EGFR: variants seen among roughly 807,000 people sequenced by gnomAD.
EGFR encodes avian erythroblastic leukemia viral (v-erb-b) oncogene homolog.
EGFR carries 58 observed loss-of-function variants against 143.0 expected under a neutral mutation model. That is an observed-to-expected ratio of 0.41 (90% CI 0.33 to 0.50). The LOEUF (loss-of-function observed/expected upper bound fraction) is 0.50, where lower values mean the gene tolerates loss of function less well. Among genes scored for constraint, EGFR ranks in the 20% least tolerant of loss-of-function variants. The pLI is 0.39. For missense variants in EGFR, 1,307 were observed against 1,579.0 expected (o/e 0.83, Z 2.92); for synonymous variants, 613 against 594.4 (o/e 1.03, Z -0.45).
intron 1 of EGFR, among the ~76,000 whole-genome samples, chr7:55,020,325 C>T (rs367676530): frequency 6.6e-6 from 1 of 152,208 alleles, no homozygotes; most frequent in Non-Finnish European, 1.5e-5. Context: ...TGCAGCCCTT[C>T]GGTCGCGCCT....
At chr7:55,072,342 T>C (rs1399310089) in intron 1 of EGFR, among the ~76,000 whole-genome samples, 2 of 152,202 alleles carry the variant, frequency 1.3e-5, no homozygotes, top group South Asian at 4.1e-4. Flanking sequence ...AGCACGTTCA[T>C]CAGAGTCAGA....
At position 55,052,738 on chromosome 7, in the gene EGFR, G is replaced by A. The variant is rs116593706; in HGVS notation, c.88+33373G>A. 8.7e-3 allele frequency among the ~76,000 whole-genome samples: 1,320 copies of A among 152,322 alleles called. 24 individuals are homozygous for A. Among genetic ancestry groups the A allele is most frequent in the African/African-American group, 0.031 (1,276 of 41,564 alleles). ...GTGGTTGACACAGTCAAGGAGCAAG[G>A]GCCCCGTAGGAGAGGGGAGTCAAGG... On this transcript the variant is annotated intron_variant, in intron 1 of 27. Coordinates refer to ENST00000275493, the MANE Select transcript of EGFR (RefSeq NM_005228.5).
chr7:55,178,767 TATAAA>T (rs1786717728), intron 19 of EGFR, among the ~76,000 whole-genome samples: 1 of 152,192 alleles, frequency 6.6e-6, no homozygotes, highest in Non-Finnish European at 1.5e-5. Context: ...ATCTTTAGAA[TATAAA>T]AGGAAAATAA....
intron 14 of EGFR, among the ~76,000 whole-genome samples, chr7:55,164,139 G>A (rs999204805): frequency 1.3e-5 from 2 of 152,108 alleles, no homozygotes; most frequent in Non-Finnish European, 2.9e-5. Context: ...TTGCTTTATC[G>A]CTTTCATCAA....
intron 15 of EGFR, chr7:55,168,398 G>A: frequency 2.7e-6 from 2 of 727,606 alleles, no homozygotes; most frequent in Non-Finnish European, 5.0e-6. Flanking sequence ...TTGGGTTTTG[G>A]CATTTTCAAT....
chr7:55,205,410 C>T lies in EGFR; in HGVS notation c.3426C>T (p.Val1142=), dbSNP rs753181929. The change falls in exon 28 of 28, where the codon GTC becomes GTT. Residue 1142 remains valine, a synonymous_variant. Transcript: ENST00000275493. The stretch of plus-strand genomic sequence containing the variant: ...GCAACCCCGAGTATCTCAACACTGT[C>T]CAGCCCACCTGTGTCAACAGCACAT... ...AVGNPEYLNT[V]QPTCVNSTFD... is the part of the protein sequence containing the mutation. The T allele has an allele frequency of 1.2e-6, 2 of 1,614,168 alleles. No individual in the cohort carries two copies. Among genetic ancestry groups the T allele is most frequent in the Non-Finnish European group, 1.7e-6 (2 of 1,180,026 alleles).
chr7:55,085,424 G>A (rs563656796), intron 1 of EGFR, among the ~76,000 whole-genome samples: 1 of 152,366 alleles, frequency 6.6e-6, no homozygotes, highest in Non-Finnish European at 1.5e-5. Flanking sequence ...CAGGTGCAGA[G>A]AGCAGGGTGG....
chr7:55,170,198 CAG>C (rs1180138568), intron 15 of EGFR: 1 of 1,591,754 alleles, frequency 6.3e-7, no homozygotes, highest in East Asian at 2.2e-5. Context: ...GTGTAGAGAA[CAG>C]AGACCTGGAG....
intron 1 of EGFR, among the ~76,000 whole-genome samples, chr7:55,103,362 A>G (rs1791932102): frequency 6.6e-6 from 1 of 152,242 alleles, no homozygotes; most frequent in Non-Finnish European, 1.5e-5. Flanking sequence ...ATTATGGTTT[A>G]GTTAACTAGA....
chr7:55,035,854 G>A (rs1159394100), intron 1 of EGFR, among the ~76,000 whole-genome samples: 1 of 152,018 alleles, frequency 6.6e-6, no homozygotes, highest in African/African-American at 2.4e-5. Context: ...CTACTGGGAG[G>A]TCCTATCCCC....
intron 15 of EGFR, chr7:55,168,460 A>T (rs2128949350): frequency 1.0e-6 from 1 of 985,824 alleles, no homozygotes; most frequent in Non-Finnish European, 1.6e-6. Context: ...GAGGGGATTT[A>T]GTCAAGATTT....
At chr7:55,103,424 C>T (rs1471001297) in intron 1 of EGFR, among the ~76,000 whole-genome samples, 1 of 152,236 alleles carries the variant, frequency 6.6e-6, no homozygotes, top group African/African-American at 2.4e-5. Context: ...ATATATCTCC[C>T]TTCCTAACAC....
At chr7:55,081,947 T>C (rs147994390) in intron 1 of EGFR, among the ~76,000 whole-genome samples, 18 of 152,354 alleles carry the variant, frequency 1.2e-4, no homozygotes, top group East Asian at 9.6e-4. Flanking sequence ...ATCTAAACTT[T>C]CATAATACTG....
chr7:55,203,072 C>T (rs916395830), intron 27 of EGFR: 5 of 287,054 alleles, frequency 1.7e-5, no homozygotes, highest in Non-Finnish European at 3.3e-5. Context: ...TAAGCTTTAT[C>T]CAGATACTCA....
intron 15 of EGFR, among the ~76,000 whole-genome samples, chr7:55,165,768 A>G (rs916440935): frequency 4.6e-5 from 7 of 152,234 alleles, no homozygotes; most frequent in African/African-American, 1.7e-4. Flanking sequence ...CCAGATTTCT[A>G]AGGTTAACAT....
At chr7:55,096,341 G>A (rs539251099) in intron 1 of EGFR, among the ~76,000 whole-genome samples, 49 of 152,338 alleles carry the variant, frequency 3.2e-4, no homozygotes, top group African/African-American at 1.0e-3. Context: ...AGAATTCCGT[G>A]ATGTGTACCC....
At chr7:55,102,192 C>A (rs534836725) in intron 1 of EGFR, among the ~76,000 whole-genome samples, 54 of 152,304 alleles carry the variant, frequency 3.5e-4, no homozygotes, top group Middle Eastern at 3.4e-3. Flanking sequence ...AGAGCCTCAG[C>A]TCCCCACTCC....
intron 1 of EGFR, among the ~76,000 whole-genome samples, chr7:55,061,971 G>T (rs574500833): frequency 2.0e-5 from 3 of 152,264 alleles, no homozygotes; most frequent in Admixed American, 2.0e-4. Flanking sequence ...AGGCCAGAGT[G>T]GGGAGGGCCA....
In EGFR at chr7:55,207,703, A is replaced by G. The variant is rs1788142308; in HGVS notation, c.*2086A>G. On this transcript the variant is annotated 3_prime_UTR_variant, in exon 28 of 28. Transcript: ENST00000275493. ...CTAAAGTCCACATAAGGCTGAGGTC[A>G]GTCACCCTAAACAACCTGCTCCCTC... The G allele has an allele frequency of 6.5e-6, 1 of 152,800 alleles. No individual in the cohort carries two copies. The highest frequency in any genetic ancestry group is 2.4e-5 in the African/African-American group (1 of 41,478). 9.5% of individuals were successfully genotyped at this position (152,800 alleles called of 1,614,324 possible). A position where few individuals can be genotyped will look rare whatever the true frequency, so the allele number is the denominator to read the frequency against.
Sources: gnomAD v4.1 joint callset for allele counts (sites outside exome capture counted in the v4.1 genomes callset) on GRCh38, gnomAD v4.1.1 for gene constraint, MANE v1.5 for transcripts, NCBI Gene and HGNC (gene_info 2026-07-23, HGNC 2026-07-21) for gene names.